SPIRE1: variants seen among roughly 807,000 people sequenced by gnomAD.
The protein encoded by SPIRE1 is spire type actin nucleation factor 1.
Under a neutral mutation model 94.1 loss-of-function variants are expected in SPIRE1, and 40 were observed. That is an observed-to-expected ratio of 0.43 (90% CI 0.33 to 0.55). The LOEUF is 0.55. Ranked by LOEUF, SPIRE1 falls within the 20% of genes least tolerant of loss-of-function variation. The pLI is 0.06. For missense variants in SPIRE1, 838 were observed against 975.2 expected, an observed-to-expected ratio of 0.86 and a Z score of 1.87; for synonymous variants, 376 against 371.7, an observed-to-expected ratio of 1.01 and a Z score of -0.13.
chr18:12,461,286 A>G (rs2031785535), intron 12 of SPIRE1, among the ~76,000 whole-genome samples: 1 of 152,166 alleles, frequency 6.6e-6, no homozygotes, highest in Non-Finnish European at 1.5e-5. Context: ...ACATTGTATG[A>G]TCACATAAAG....
At chr18:12,650,562 T>C (rs1453896206) in intron 1 of SPIRE1, among the ~76,000 whole-genome samples, 1 of 151,620 alleles carries the variant, frequency 6.6e-6, no homozygotes, top group African/African-American at 2.4e-5. Context: ...TACAAAAAAT[T>C]AGCTGGGCGT....
chr18:12,601,296 AC>A (rs1325211541), intron 2 of SPIRE1, among the ~76,000 whole-genome samples: 1 of 151,564 alleles, frequency 6.6e-6, no homozygotes, highest in African/African-American at 2.4e-5. Flanking sequence ...GGTGGGGGGC[AC>A]CTGTAATCCC....
rs1477619864 is a variant in SPIRE1, at chr18:12,657,756, C to T, written c.111G>A (p.Arg37=). Residue 37 remains arginine, a synonymous_variant, in exon 1 of 17, where the codon CGG becomes CGA. Coordinates refer to ENST00000409402, the MANE Select transcript of SPIRE1 (RefSeq NM_001128626.2). ...GGATCTCCTCCAGGCTCAGCGCGTC[C>T]CGGGAGCCCCCGGCCGCGCCGCCGG... ...GAAGGAAGGS[R]DALSLEEILR... is the part of the protein sequence containing the mutation. The T allele has an allele frequency of 1.7e-5, 23 of 1,350,910 alleles. No individual in the cohort carries two copies. Among genetic ancestry groups the T allele is most frequent in the Non-Finnish European group, 2.2e-5 (23 of 1,042,932 alleles). The allele number at this position is 1,350,910 out of a possible 1,614,324, so 83.7% of individuals were successfully genotyped here.
chr18:12,473,609 T>G (rs146299408), intron 10 of SPIRE1, among the ~76,000 whole-genome samples: 54 of 152,346 alleles, frequency 3.5e-4, no homozygotes, highest in African/African-American at 1.3e-3. Flanking sequence ...AGCAAGTCAG[T>G]GTCTTTGTTC....
At chr18:12,636,056 CTAATTT>C (rs2144824270) in intron 1 of SPIRE1, among the ~76,000 whole-genome samples, 1 of 152,008 alleles carries the variant, frequency 6.6e-6, no homozygotes, top group Non-Finnish European at 1.5e-5. Context: ...CCATGCCCAG[CTAATTT>C]TTGTATTTTT....
intron 4 of SPIRE1, among the ~76,000 whole-genome samples, chr18:12,517,261 T>C (rs1042066943): frequency 6.6e-6 from 1 of 152,204 alleles, no homozygotes; most frequent in African/African-American, 2.4e-5. Flanking sequence ...TTTTACTCCA[T>C]CACAAAAATA....
intron 6 of SPIRE1, among the ~76,000 whole-genome samples, chr18:12,506,236 C>A (rs561313430): frequency 6.6e-6 from 1 of 152,122 alleles, no homozygotes; most frequent in Non-Finnish European, 1.5e-5. Flanking sequence ...TGGGTCACTG[C>A]AACCTCCACC....
chr18:12,466,304 T>G (rs1181168755), intron 10 of SPIRE1, among the ~76,000 whole-genome samples: 1 of 151,908 alleles, frequency 6.6e-6, no homozygotes, highest in Non-Finnish European at 1.5e-5. Flanking sequence ...TGAGACGGAG[T>G]CTCACTCTGT....
At chr18:12,504,674 G>T (rs1490066339) in intron 6 of SPIRE1, among the ~76,000 whole-genome samples, 1 of 152,138 alleles carries the variant, frequency 6.6e-6, no homozygotes, top group African/African-American at 2.4e-5. Context: ...CCATGTTCTT[G>T]TCAAAGGGGA....
intron 2 of SPIRE1, among the ~76,000 whole-genome samples, chr18:12,624,544 A>G (rs928871426): frequency 1.4e-5 from 2 of 144,760 alleles, no homozygotes; most frequent in Non-Finnish European, 3.1e-5. Flanking sequence ...CACTGACTCA[A>G]AAAAAAAAAA....
At chr18:12,454,564 C>T in intron 12 of SPIRE1, 81 bp from the exon 13 acceptor site, 1 of 1,298,546 alleles carries the variant, frequency 7.7e-7, no homozygotes, top group African/African-American at 1.6e-5. Flanking sequence ...GATCAGACCC[C>T]TGATTAGTAG....
chr18:12,615,341 AAAAAAT>A (rs2037261672), intron 2 of SPIRE1, among the ~76,000 whole-genome samples: 1 of 39,320 alleles, frequency 2.5e-5, no homozygotes, highest in Non-Finnish European at 8.3e-5. Flanking sequence ...AAAAAAAAAA[AAAAAAT>A]ATATATATAT....
chr18:12,566,937 T>C (rs2035836728), intron 2 of SPIRE1, among the ~76,000 whole-genome samples: 1 of 152,062 alleles, frequency 6.6e-6, no homozygotes. Flanking sequence ...GACACAAAAA[T>C]CTTCAGTAGA....
At chr18:12,467,365 G>GT (rs1375509829) in intron 10 of SPIRE1, among the ~76,000 whole-genome samples, 1 of 152,196 alleles carries the variant, frequency 6.6e-6, no homozygotes. Flanking sequence ...ATCAAGCACT[G>GT]TAAGCAAAGC....
intron 1 of SPIRE1, among the ~76,000 whole-genome samples, chr18:12,639,974 T>C (rs1016352158): frequency 2.0e-5 from 3 of 151,974 alleles, no homozygotes; most frequent in Non-Finnish European, 4.4e-5. Context: ...CGAAACAAAC[T>C]AGTCCTGATA....
At chr18:12,460,574 TG>T (rs1253565366) in intron 12 of SPIRE1, among the ~76,000 whole-genome samples, 1 of 152,014 alleles carries the variant, frequency 6.6e-6, no homozygotes, top group Non-Finnish European at 1.5e-5. Flanking sequence ...TAGCCGGGTG[TG>T]GTGGCACATG....
chr18:12,559,173 C>CGGGGG lies in SPIRE1; in HGVS notation c.373-12270_373-12269insCCCCC, dbSNP rs1555624659. ...GAGGCTCCATCTGCTTAGGAGCCCA[C>CGGGGG]GGGGTGGGGTGGGGTGGGGGGGCGC... is the stretch of plus-strand genomic sequence containing the variant. On this transcript the variant is annotated intron_variant, in intron 2 of 16. Coordinates refer to ENST00000409402, the MANE Select transcript of SPIRE1 (RefSeq NM_001128626.2). This position sits in a 1 kb window ranked among gnomAD's most constrained non-coding sequence, Gnocchi z 4.7. Among the ~76,000 whole-genome samples the CGGGGG allele has an allele frequency of 7.4e-5, 8 of 108,432 alleles. No individual in the cohort carries two copies. Among genetic ancestry groups the CGGGGG allele is most frequent in the South Asian group, 3.1e-4 (1 of 3,188 alleles). 71.1% of individuals were successfully genotyped at this position (108,432 alleles called of 152,430 possible).
chr18:12,526,056 TACAC>T (rs56263373), intron 4 of SPIRE1, among the ~76,000 whole-genome samples: 6,322 of 122,658 alleles, frequency 0.052, 191 homozygotes, highest in South Asian at 0.11. Flanking sequence ...ATACTGAAGA[TACAC>T]ACACACACAC....
intron 12 of SPIRE1, among the ~76,000 whole-genome samples, chr18:12,459,368 T>C (rs1313247251): frequency 2.6e-5 from 4 of 152,190 alleles, no homozygotes; most frequent in African/African-American, 4.8e-5. Context: ...GGCAGGAGGA[T>C]GCTCTGCTCA....
Sources: gnomAD v4.1 joint callset for allele counts (sites outside exome capture counted in the v4.1 genomes callset) on GRCh38, gnomAD v4.1.1 for gene constraint, Gnocchi (gnomAD v3.1) non-coding constraint, MANE v1.5 for transcripts, NCBI Gene and HGNC (gene_info 2026-07-23, HGNC 2026-07-21) for gene names.